The following CYRIB variants were observed in gnomAD, a reference collection of about 807,000 sequenced individuals.
CYRIB encodes the protein CYFIP-related Rac1 interactor B.
Under a neutral mutation model 44.2 loss-of-function variants are expected in CYRIB, and 8 were observed. The ratio of observed to expected loss-of-function variants is 0.18; its 90% CI spans 0.11 to 0.33. CYRIB has a LOEUF of 0.33. CYRIB is among the 10% of genes least tolerant of loss of function. CYRIB has a pLI of 1.00. For missense variants in CYRIB, 185 were observed against 382.8 expected, an observed-to-expected ratio of 0.48 and a Z score of 4.31; for synonymous variants, 131 against 127.2, an observed-to-expected ratio of 1.03 and a Z score of -0.20.
chr8:129,911,891 T>C (rs1023524004), intron 1 of CYRIB, among the ~76,000 whole-genome samples: 2 of 152,202 alleles, frequency 1.3e-5, no homozygotes, highest in Non-Finnish European at 2.9e-5. Flanking sequence ...TCAACTCAGC[T>C]AAGTTTTGGA....
intron 1 of CYRIB, among the ~76,000 whole-genome samples, chr8:129,979,674 G>T (rs1485490169): frequency 6.6e-6 from 1 of 152,126 alleles, no homozygotes. Flanking sequence ...CCAGCACTTC[G>T]GGAGGCCATG....
rs145110616 is a variant in CYRIB, at chr8:129,888,246, C to T, written c.-10-8775G>A. ...CCCATCTCTCTTCCTCCTGCTCTGG[C>T]CATGTAAGACGTGCCACCTTCCTCT... is the stretch of plus-strand genomic sequence containing the variant. On this transcript the variant is annotated intron_variant, in intron 2 of 11. Coordinates refer to ENST00000519824, the Ensembl canonical transcript of CYRIB. Among the ~76,000 whole-genome samples the T allele has an allele frequency of 5.3e-3, 807 of 152,256 alleles. 6 individuals are homozygous for T. Among genetic ancestry groups the T allele is most frequent in the Non-Finnish European group, 8.4e-3 (574 of 68,014 alleles).
Position 129,888,903 on chromosome 8 carries a change from G to A in CYRIB, c.-10-9432C>T, listed in dbSNP as rs181033068. On this transcript the variant is annotated intron_variant, in intron 2 of 11. Coordinates refer to ENST00000519824, the Ensembl canonical transcript of CYRIB. Reference sequence around the variant, plus strand: ...AAGTCAGGAGTTTGAGACCAGCCTGGCCAACATGGTGAAACCCCATCTCTA... The same window carrying A: ...AAGTCAGGAGTTTGAGACCAGCCTGACCAACATGGTGAAACCCCATCTCTA... Among the ~76,000 whole-genome samples, 63 of 152,200 alleles carry A rather than the reference G, an allele frequency of 4.1e-4. 1 individual carries two copies. In the East Asian group the frequency reaches 0.011, roughly 28 times the overall value.
chr8:129,971,180 C>CCT (rs781006011), intron 1 of CYRIB, among the ~76,000 whole-genome samples, 185 bp from the exon 2 acceptor site: 1 of 152,206 alleles, frequency 6.6e-6, no homozygotes, highest in Non-Finnish European at 1.5e-5. Context: ...TGCTCTGTCG[C>CCT]CTAGGCTGGA....
chr8:129,852,686 A>G (rs190471082), intron 7 of CYRIB, among the ~76,000 whole-genome samples: 37 of 152,318 alleles, frequency 2.4e-4, no homozygotes, highest in Non-Finnish European at 5.9e-5. Flanking sequence ...AACTAAGGAG[A>G]AGAGTTATCC....
chr8:129,990,806 A>T (rs907517645), intron 1 of CYRIB, among the ~76,000 whole-genome samples: 10 of 152,050 alleles, frequency 6.6e-5, no homozygotes, highest in Admixed American at 5.2e-4. Context: ...TTAGAGTTGC[A>T]AGCCACTGTG....
At position 129,997,073 on chromosome 8, in the gene CYRIB, G is replaced by A. The variant is rs541714042; in HGVS notation, c.-296+19297C>T. 7.8e-5 allele frequency among the ~76,000 whole-genome samples: 11 copies of A among 140,754 alleles called. No homozygotes were observed. In the East Asian group the frequency reaches 2.4e-3, roughly 31 times the overall value. The allele number at this position is 140,754 out of a possible 152,430, so 92.3% of individuals were successfully genotyped here. On this transcript the variant is annotated intron_variant, in intron 1 of 14. Transcript: ENST00000401979. ...AGGAAGGAGGGAGGGAGGGAGGGAG[G>A]GAGGGAGGGAGGGAAGGAGGGAGGG...
rs138804118 is a variant in CYRIB at position 129,881,019 on chromosome 8, T to G, written c.-10-1548A>C. Among the ~76,000 whole-genome samples, 70 of 152,348 alleles carry G rather than the reference T, an allele frequency of 4.6e-4. No individual in the cohort carries two copies. The South Asian group carries it at 0.01, about 22-fold the overall frequency. On this transcript the variant is annotated intron_variant, in intron 2 of 11. Transcript: ENST00000519824. Reference sequence around the variant, plus strand: ...GTCTCCTAAGATTAATCAAACTTATTATTTAACTCTTAGACTGAATAATCA... The same window carrying G: ...GTCTCCTAAGATTAATCAAACTTATGATTTAACTCTTAGACTGAATAATCA...
chr8:129,860,598 ACTG>A (rs2048859668), intron 5 of CYRIB, among the ~76,000 whole-genome samples: 1 of 152,236 alleles, frequency 6.6e-6, no homozygotes, highest in Non-Finnish European at 1.5e-5. Flanking sequence ...AACAGGCTGT[ACTG>A]CATCTAAAGG....
At chr8:129,845,868 G>C (rs2039669560) in intron 11 of CYRIB, among the ~76,000 whole-genome samples, 1 of 152,158 alleles carries the variant, frequency 6.6e-6, no homozygotes, top group Non-Finnish European at 1.5e-5. Context: ...CTAGCAGCTG[G>C]GCACAGTGGC....
At chr8:129,962,329 C>T (rs1205777197) in intron 2 of CYRIB, among the ~76,000 whole-genome samples, 1 of 152,014 alleles carries the variant, frequency 6.6e-6, no homozygotes, top group Non-Finnish European at 1.5e-5. Flanking sequence ...CCTGTAGTCC[C>T]AGATACTCAG....
At chr8:129,867,328 T>C (rs2054245612) in intron 4 of CYRIB, among the ~76,000 whole-genome samples, 2 of 151,692 alleles carry the variant, frequency 1.3e-5, no homozygotes, top group Non-Finnish European at 2.9e-5. Flanking sequence ...TTTTACTATG[T>C]TAATCAGGCT....
At chr8:129,934,237 T>C (rs1003679884) in intron 1 of CYRIB, among the ~76,000 whole-genome samples, 14 of 152,124 alleles carry the variant, frequency 9.2e-5, no homozygotes, top group Non-Finnish European at 1.6e-4. Flanking sequence ...GCCTAACTCA[T>C]GGAGGCCTCA....
chr8:130,007,347 G>A (rs2097125745), intron 1 of CYRIB, among the ~76,000 whole-genome samples: 1 of 152,196 alleles, frequency 6.6e-6, no homozygotes, highest in Non-Finnish European at 1.5e-5. Flanking sequence ...ACAGGAGGTG[G>A]GCACTGAAGC....
chr8:130,005,620 A>T (rs1489128742), intron 1 of CYRIB, among the ~76,000 whole-genome samples: 2 of 152,120 alleles, frequency 1.3e-5, no homozygotes, highest in African/African-American at 4.8e-5. Flanking sequence ...CCTCCTCAGC[A>T]TCTAGGGTGA....
At position 129,867,879 on chromosome 8, in the gene CYRIB, G is replaced by GT. The variant is rs912848320; in HGVS notation, c.195+3495dup. On this transcript the variant is annotated intron_variant, in intron 4 of 11. Coordinates refer to ENST00000519824, the Ensembl canonical transcript of CYRIB. ...GTGCAAGAGCACAAACAATTTTATAGTTTTTTTTTAAATATACTTCAAACT... is the reference window on the plus strand; with the variant it reads ...GTGCAAGAGCACAAACAATTTTATAGTTTTTTTTTTAAATATACTTCAAACT... 4.4e-4 allele frequency among the ~76,000 whole-genome samples: 67 copies of GT among 151,580 alleles called. 1 individual carries two copies. Among genetic ancestry groups the GT allele is most frequent in the Non-Finnish European group, 8.0e-4 (54 of 67,836 alleles).
intron 3 of CYRIB, 48 bp downstream of exon 5, chr8:129,879,341 G>T: frequency 8.2e-7 from 1 of 1,215,826 alleles, no homozygotes; most frequent in African/African-American, 1.5e-5. Context: ...CAAGACAAAC[G>T]CAGTCTACTG....
At chr8:129,979,732 A>G (rs1260080461) in intron 1 of CYRIB, among the ~76,000 whole-genome samples, 1 of 152,162 alleles carries the variant, frequency 6.6e-6, no homozygotes, top group Non-Finnish European at 1.5e-5. Flanking sequence ...CCTGGCCAAC[A>G]TGGTGAAACC....
chr8:129,913,937 A>G (rs2079384510), intron 1 of CYRIB, among the ~76,000 whole-genome samples: 1 of 152,336 alleles, frequency 6.6e-6, no homozygotes, highest in African/African-American at 2.4e-5. Flanking sequence ...TTTTAAATGT[A>G]ATGAGAAATG....
Sources: allele counts gnomAD v4.1 joint callset (sites outside exome capture counted in the v4.1 genomes callset), GRCh38; gene constraint gnomAD v4.1.1; transcripts MANE v1.5; gene names NCBI Gene and HGNC (gene_info 2026-07-23, HGNC 2026-07-21).